The following CHRM3 variants were observed in gnomAD, a reference collection of about 807,000 sequenced individuals.
The protein encoded by CHRM3 is cholinergic receptor muscarinic 3.
A neutral mutation model predicts 41.8 loss-of-function variants in CHRM3; 11 were observed. The observed-to-expected ratio is 0.26, with a 90% CI of 0.17 to 0.44. The LOEUF is 0.44. CHRM3 is among the 20% of genes least tolerant of loss of function. The pLI is 1.00. For missense variants in CHRM3, 571 were observed against 745.4 expected, an observed-to-expected ratio of 0.77 and a Z score of 2.72; for synonymous variants, 297 against 301.4, an observed-to-expected ratio of 0.99 and a Z score of 0.15.
intron 5 of CHRM3, among the ~76,000 whole-genome samples, chr1:239,745,406 A>C (rs1665258678): frequency 1.3e-5 from 2 of 152,078 alleles, no homozygotes; most frequent in African/African-American, 4.8e-5. Context: ...GCAAGTCAAA[A>C]GCTATGGAAA....
At chr1:239,765,569 G>A (rs1667133913) in intron 5 of CHRM3, among the ~76,000 whole-genome samples, 1 of 152,136 alleles carries the variant, frequency 6.6e-6, no homozygotes, top group South Asian at 2.1e-4. Flanking sequence ...TCTTGATGTT[G>A]CTGGTTTCAG....
chr1:239,479,728 T>C (rs1056935394), intron 1 of CHRM3, among the ~76,000 whole-genome samples: 1 of 152,146 alleles, frequency 6.6e-6, no homozygotes, highest in Non-Finnish European at 1.5e-5. Context: ...TATCTGTGTA[T>C]CTCAACATAG....
intron 4 of CHRM3, among the ~76,000 whole-genome samples, chr1:239,673,324 A>G (rs766894658): frequency 8.5e-5 from 13 of 152,226 alleles, no homozygotes; most frequent in Non-Finnish European, 1.8e-4. Context: ...CATATGCAAT[A>G]GCAATTCTGT....
chr1:239,880,083 AC>A (rs982264979), intron 6 of CHRM3, among the ~76,000 whole-genome samples: 4 of 152,096 alleles, frequency 2.6e-5, no homozygotes, highest in African/African-American at 9.7e-5. Context: ...CCCAAACCCA[AC>A]TCTCCAAAGA....
intron 5 of CHRM3, among the ~76,000 whole-genome samples, chr1:239,766,084 G>A (rs1316543525): frequency 6.6e-6 from 1 of 152,090 alleles, no homozygotes; most frequent in Non-Finnish European, 1.5e-5. Flanking sequence ...AAAGTGCTGG[G>A]ATTACAGGCA....
chr1:239,736,051 C>T (rs896751530), intron 5 of CHRM3, among the ~76,000 whole-genome samples: 6 of 152,108 alleles, frequency 3.9e-5, no homozygotes, highest in Non-Finnish European at 8.8e-5. Flanking sequence ...TAAACCCACC[C>T]TAATGTTATT....
chr1:239,456,005 T>A (rs571042228), intron 1 of CHRM3, among the ~76,000 whole-genome samples: 75 of 152,026 alleles, frequency 4.9e-4, no homozygotes, highest in Non-Finnish European at 8.2e-4. Context: ...TCCCTAAGAC[T>A]AGGGGTTTAT....
chr1:239,644,900 G>A (rs1558414847), intron 4 of CHRM3, among the ~76,000 whole-genome samples: 1 of 152,182 alleles, frequency 6.6e-6, no homozygotes, highest in African/African-American at 2.4e-5. Flanking sequence ...CGTGAAGACA[G>A]ATAAGTGGGC....
intron 5 of CHRM3, among the ~76,000 whole-genome samples, chr1:239,722,095 ATCT>A (rs1296545830): frequency 2.6e-5 from 4 of 151,900 alleles, no homozygotes; most frequent in African/African-American, 7.2e-5. Context: ...AACCTATTTG[ATCT>A]TCTCCTCCAT....
chr1:239,732,203 A>G (rs1166053893), intron 5 of CHRM3, among the ~76,000 whole-genome samples: 1 of 151,880 alleles, frequency 6.6e-6, no homozygotes, highest in Non-Finnish European at 1.5e-5. Context: ...TCATTTAGAT[A>G]AGTATGCCTA....
chr1:239,819,665 G>A (rs1671876722), intron 5 of CHRM3, among the ~76,000 whole-genome samples: 1 of 152,188 alleles, frequency 6.6e-6, no homozygotes, highest in Non-Finnish European at 1.5e-5. Flanking sequence ...CATTAAAGAA[G>A]CTCGTATGGT....
intron 4 of CHRM3, among the ~76,000 whole-genome samples, chr1:239,676,908 G>T (rs115251416): frequency 1.3e-5 from 2 of 152,122 alleles, no homozygotes; most frequent in Admixed American, 1.3e-4. Context: ...CTGCCACATC[G>T]TGTGCATAAG....
Position 239,909,316 on chromosome 1 carries a change from T to C in CHRM3, c.*92T>C. Reference sequence around the variant, plus strand: ...GCGAGGGCGGGGTGACTTCTGGTGATGATAAAAATGGTTTTATCACCCAGA... The same window carrying C: ...GCGAGGGCGGGGTGACTTCTGGTGACGATAAAAATGGTTTTATCACCCAGA... On this transcript the variant is annotated 3_prime_UTR_variant, in exon 7 of 7. Transcript: ENST00000676153. The C allele has an allele frequency of 7.4e-7, 1 of 1,348,676 alleles. No individual in the cohort carries two copies. The highest frequency in any genetic ancestry group is 1.0e-6 in the Non-Finnish European group (1 of 992,348). 83.5% of individuals were successfully genotyped at this position (1,348,676 alleles called of 1,614,324 possible). A position where few individuals can be genotyped will look rare whatever the true frequency, so the allele number is the denominator to read the frequency against.
chr1:239,557,691 G>A (rs769802279), intron 3 of CHRM3, among the ~76,000 whole-genome samples: 6 of 152,066 alleles, frequency 3.9e-5, no homozygotes, highest in Non-Finnish European at 7.4e-5. Context: ...CTGTGTCCAC[G>A]TGTTCTCATT....
chr1:239,454,877 C>A lies in CHRM3; in HGVS notation c.-520-37832C>A, dbSNP rs535814822. On this transcript the variant is annotated intron_variant, in intron 1 of 6. Coordinates refer to ENST00000676153, the MANE Select transcript of CHRM3 (RefSeq NM_001375978.1). ...ACCTAGTGATGTGGTAGCAGCAGCT[C>A]ACTACCCGTGCATGTGTACGGGTTG... Among the ~76,000 whole-genome samples the A allele has an allele frequency of 2.6e-5, 4 of 152,254 alleles. No homozygotes were observed. In the East Asian group the frequency reaches 5.8e-4, roughly 22 times the overall value.
At chr1:239,746,558 A>T (rs1665374115) in intron 5 of CHRM3, among the ~76,000 whole-genome samples, 1 of 152,192 alleles carries the variant, frequency 6.6e-6, no homozygotes, top group Admixed American at 6.5e-5. Flanking sequence ...ATCTCATAGA[A>T]AGTTTAAAAT....
intron 2 of CHRM3, among the ~76,000 whole-genome samples, chr1:239,524,794 C>A (rs1669885856): frequency 6.6e-6 from 1 of 152,066 alleles, no homozygotes; most frequent in Non-Finnish European, 1.5e-5. Context: ...AGGTCAGAAC[C>A]TTTTCAAGAA....
At chr1:239,605,159 A>G (rs936686734) in intron 3 of CHRM3, among the ~76,000 whole-genome samples, 2 of 152,200 alleles carry the variant, frequency 1.3e-5, no homozygotes, top group Non-Finnish European at 2.9e-5. Flanking sequence ...GAGCCACACA[A>G]ACTATCCAAG....
At chr1:239,650,383 T>G (rs1395292779) in intron 4 of CHRM3, among the ~76,000 whole-genome samples, 1 of 152,208 alleles carries the variant, frequency 6.6e-6, no homozygotes, top group Non-Finnish European at 1.5e-5. Context: ...AGTGATACAC[T>G]TTGTTAGACA....
Sources: allele counts gnomAD v4.1 joint callset (sites outside exome capture counted in the v4.1 genomes callset), GRCh38; gene constraint gnomAD v4.1.1; transcripts MANE v1.5; gene names NCBI Gene and HGNC (gene_info 2026-07-23, HGNC 2026-07-21).